The following HPCAL1 variants were observed in gnomAD, a reference collection of about 807,000 sequenced individuals.
HPCAL1 encodes hippocalcin like 1, also known as hippocalcin-like protein 1.
A neutral mutation model predicts 17.1 loss-of-function variants in HPCAL1; 8 were observed. The ratio of observed to expected loss-of-function variants is 0.47; its 90% CI spans 0.27 to 0.84. The LOEUF (loss-of-function observed/expected upper bound fraction) is 0.84. HPCAL1 is among the 40% of genes least tolerant of loss of function. The pLI is 0.13. For synonymous variants in HPCAL1, 112 were observed against 111.4 expected (o/e 1.01, Z -0.03); for missense variants, 165 against 271.1 (o/e 0.61, Z 2.75).
rs572334213 is a variant in HPCAL1 at position 10,366,298 on chromosome 2, C to T, written c.-110-30537C>T. On this transcript the variant is annotated intron_variant, in intron 1 of 4. Coordinates refer to ENST00000307845, the MANE Select transcript of HPCAL1 (RefSeq NM_002149.4). ...TCGCCCAGGCTGGAGTGCAGTGGTG[C>T]GATCTCGTCTCACTGCAACCTCTGC... Among the ~76,000 whole-genome samples the T allele has an allele frequency of 7.2e-5, 11 of 152,224 alleles. No homozygotes were observed. The East Asian group carries it at 1.2e-3, about 16-fold the overall frequency.
chr2:10,324,816 G>GT (rs3036350), intron 1 of HPCAL1, among the ~76,000 whole-genome samples: 1,354 of 66,340 alleles, frequency 0.02, 110 homozygotes, highest in African/African-American at 0.063. Flanking sequence ...TGGTTTTTGT[G>GT]TTTTTTTTTT....
intron 1 of HPCAL1, among the ~76,000 whole-genome samples, chr2:10,335,424 C>T (rs1664655755): frequency 6.6e-6 from 1 of 152,172 alleles, no homozygotes; most frequent in South Asian, 2.1e-4. Context: ...TCCATCCGCT[C>T]CCCACTCCCA....
At chr2:10,360,217 C>T (rs1185344212) in intron 1 of HPCAL1, among the ~76,000 whole-genome samples, 2 of 152,194 alleles carry the variant, frequency 1.3e-5, no homozygotes, top group African/African-American at 4.8e-5. Context: ...AGGCAGCAGG[C>T]ACCAGGAGCC....
intron 1 of HPCAL1, among the ~76,000 whole-genome samples, chr2:10,380,920 A>C (rs551101905): frequency 6.6e-6 from 1 of 152,240 alleles, no homozygotes; most frequent in Non-Finnish European, 1.5e-5. Flanking sequence ...TAGGAGTCCA[A>C]TTAAGAATGT....
At chr2:10,333,175 T>C (rs1664496274) in intron 1 of HPCAL1, among the ~76,000 whole-genome samples, 1 of 152,202 alleles carries the variant, frequency 6.6e-6, no homozygotes. Flanking sequence ...AAGATTCTTC[T>C]CTTTTTAAAG....
intron 1 of HPCAL1, among the ~76,000 whole-genome samples, chr2:10,346,985 G>C (rs949679902): frequency 2.5e-4 from 29 of 117,310 alleles, no homozygotes; most frequent in African/African-American, 9.8e-4. Context: ...GTTTCTAAGG[G>C]ATTTATATTT....
At chr2:10,372,884 G>A (rs982894282) in intron 1 of HPCAL1, among the ~76,000 whole-genome samples, 3 of 152,198 alleles carry the variant, frequency 2.0e-5, no homozygotes, top group Non-Finnish European at 2.9e-5. Flanking sequence ...TCTGGGTCCC[G>A]GGACTGTGGC....
At chr2:10,338,627 A>T (rs184940708) in intron 1 of HPCAL1, among the ~76,000 whole-genome samples, 3 of 152,314 alleles carry the variant, frequency 2.0e-5, no homozygotes, top group African/African-American at 7.2e-5. Context: ...GAAGTCAGTA[A>T]GCCACAGTCC....
At chr2:10,356,236 C>T (rs895941273) in intron 1 of HPCAL1, among the ~76,000 whole-genome samples, 15 of 152,148 alleles carry the variant, frequency 9.9e-5, no homozygotes, top group African/African-American at 3.4e-4. Flanking sequence ...ACCTCCCGCT[C>T]GCCTGGAAGA....
chr2:10,327,561 A>G (rs1394930417), intron 1 of HPCAL1, among the ~76,000 whole-genome samples: 2 of 152,236 alleles, frequency 1.3e-5, no homozygotes, highest in African/African-American at 4.8e-5. Flanking sequence ...AGTATATTAT[A>G]TCATACTTTA....
At chr2:10,352,251 C>T (rs1424717458) in intron 1 of HPCAL1, among the ~76,000 whole-genome samples, 2 of 152,056 alleles carry the variant, frequency 1.3e-5, no homozygotes, top group Non-Finnish European at 2.9e-5. Flanking sequence ...TATCCATATA[C>T]CTCCCACTCA....
chr2:10,385,860 C>T (rs772287909), intron 1 of HPCAL1, among the ~76,000 whole-genome samples: 13 of 152,094 alleles, frequency 8.5e-5, no homozygotes, highest in African/African-American at 2.7e-4. Flanking sequence ...CTGCCCTGGA[C>T]GCCTGGTTCC....
chr2:10,389,251 A>G (rs1668531925), intron 1 of HPCAL1, among the ~76,000 whole-genome samples: 1 of 152,228 alleles, frequency 6.6e-6, no homozygotes, highest in African/African-American at 2.4e-5. Context: ...TTTGCATGTA[A>G]TTAAAAGTGG....
intron 1 of HPCAL1, among the ~76,000 whole-genome samples, chr2:10,334,327 G>T (rs12471926): frequency 0.62 from 93,177 of 150,446 alleles, 29,074 homozygotes; most frequent in East Asian, 0.79. Context: ...GTTTTGTTTT[G>T]TTTTTTAAAC....
Position 10,323,807 on chromosome 2 carries a change from T to TAAC in HPCAL1, c.-111+20642_-111+20644dup, listed in dbSNP as rs1005274882. On this transcript the variant is annotated intron_variant, in intron 1 of 4. Transcript: ENST00000307845. The surrounding 1 kb of genome is among the most constrained non-coding windows in gnomAD (Gnocchi z 4.6). ...CACTGGGGAGACATTTAAAAAACAA[T>TAAC]AACAACAACAACAAAAATCTGCGTC... 1.3e-5 allele frequency among the ~76,000 whole-genome samples: 2 copies of TAAC among 152,268 alleles called. No homozygotes were observed. The highest frequency in any genetic ancestry group is 1.9e-4 in the East Asian group (1 of 5,186).
At chr2:10,308,517 G>A (rs551787841) in intron 1 of HPCAL1, among the ~76,000 whole-genome samples, 2 of 152,060 alleles carry the variant, frequency 1.3e-5, no homozygotes, top group South Asian at 2.1e-4. Flanking sequence ...TCATAGGTTC[G>A]GCCCAAGAGC....
chr2:10,378,216 G>T lies in HPCAL1; in HGVS notation c.-110-18619G>T, dbSNP rs182011842. On this transcript the variant is annotated intron_variant, in intron 1 of 4. Coordinates refer to ENST00000307845, the MANE Select transcript of HPCAL1 (RefSeq NM_002149.4). Reference sequence around the variant, plus strand: ...GCCCAAGAAAAAGTAGAGAAAGGTGGTTTCATGTTTTTTTTTTTTTTTTTT... The same window carrying T: ...GCCCAAGAAAAAGTAGAGAAAGGTGTTTTCATGTTTTTTTTTTTTTTTTTT... Among the ~76,000 whole-genome samples the T allele has an allele frequency of 7.6e-3, 1,103 of 144,868 alleles. 5 individuals carry two copies. The highest frequency in any genetic ancestry group is 0.035 in the Middle Eastern group (10 of 284).
chr2:10,365,246 G>A lies in HPCAL1; in HGVS notation c.-110-31589G>A, dbSNP rs1666776300. Among the ~76,000 whole-genome samples, 1 of 152,206 alleles carries A rather than the reference G, an allele frequency of 6.6e-6. No homozygotes were observed. The highest frequency in any genetic ancestry group is 1.5e-5 in the Non-Finnish European group (1 of 68,038). ...GACCTTGCTCCTCTTGGATGGTATT[G>A]GGTGGCATTCCAGGACAGCTGGGAT... On this transcript the variant is annotated intron_variant, in intron 1 of 4. Transcript: ENST00000307845. The surrounding 1 kb of genome is among the most constrained non-coding windows in gnomAD (Gnocchi z 4.8).
At chr2:10,368,216 T>C (rs1666974080) in intron 1 of HPCAL1, among the ~76,000 whole-genome samples, 1 of 150,616 alleles carries the variant, frequency 6.6e-6, no homozygotes, top group East Asian at 2.0e-4. Context: ...TGTAGGGGTG[T>C]GCGTGTGTAC....
Sources: allele counts gnomAD v4.1 joint callset (sites outside exome capture counted in the v4.1 genomes callset), GRCh38; gene constraint gnomAD v4.1.1; non-coding constraint Gnocchi (gnomAD v3.1); transcripts MANE v1.5; gene names NCBI Gene and HGNC (gene_info 2026-07-23, HGNC 2026-07-21).